The following ZNF160 variants were observed in gnomAD, a reference collection of about 807,000 sequenced individuals.
ZNF160 encodes the protein KRAB zinc finger protein KR18.
Under a neutral mutation model 13.1 loss-of-function variants are expected in ZNF160, and 9 were observed. The observed-to-expected ratio is 0.69, with a 90% CI of 0.41 to 1.20. The LOEUF is 1.20. ZNF160 is among the 50% of genes most tolerant of loss of function. The pLI is 0.01. For missense variants in ZNF160, 838 were observed against 988.0 expected (o/e 0.85, Z 2.04); for synonymous variants, 293 against 333.2 (o/e 0.88, Z 1.31).
chr19:53,079,434 C>T (rs574424985), intron 3 of ZNF160, among the ~76,000 whole-genome samples: 3 of 151,424 alleles, frequency 2.0e-5, no homozygotes, highest in African/African-American at 2.4e-5. Context: ...CCTGTAATCC[C>T]GGCTACTTGG....
intron 3 of ZNF160, among the ~76,000 whole-genome samples, chr19:53,082,114 G>C (rs773917558): frequency 1.3e-5 from 2 of 152,164 alleles, no homozygotes; most frequent in Non-Finnish European, 2.9e-5. Context: ...ACTCCAAAAA[G>C]GAAGAGGAAG....
At chr19:53,095,050 T>A (rs948830684) in intron 1 of ZNF160, among the ~76,000 whole-genome samples, 7 of 27,406 alleles carry the variant, frequency 2.6e-4, no homozygotes, top group Non-Finnish European at 3.9e-4. Flanking sequence ...ACCCCACCCC[T>A]TCCCCACTGC....
intron 3 of ZNF160, among the ~76,000 whole-genome samples, chr19:53,079,300 C>T (rs2084529779): frequency 6.6e-6 from 1 of 152,098 alleles, no homozygotes; most frequent in Non-Finnish European, 1.5e-5. Flanking sequence ...CCTGTAATCT[C>T]AGCACTTTGG....
chr19:53,090,612 A>G (rs1475537207), intron 2 of ZNF160, among the ~76,000 whole-genome samples: 2 of 152,314 alleles, frequency 1.3e-5, no homozygotes, highest in East Asian at 1.9e-4. Flanking sequence ...AGACAGGCCC[A>G]AGTCACCTCC....
chr19:53,098,185 C>T (rs1241940639), intron 1 of ZNF160, among the ~76,000 whole-genome samples: 2 of 152,200 alleles, frequency 1.3e-5, no homozygotes, highest in Admixed American at 6.5e-5. Flanking sequence ...AGACCTGAGA[C>T]TTCTTTCCAA....
chr19:53,099,734 C>T (rs1293540033), intron 1 of ZNF160, among the ~76,000 whole-genome samples: 1 of 152,192 alleles, frequency 6.6e-6, no homozygotes, highest in Admixed American at 6.5e-5. Context: ...CAGATGTACA[C>T]CCAATTCTGC....
intron 1 of ZNF160, among the ~76,000 whole-genome samples, chr19:53,094,444 T>C (rs183946597): frequency 1.3e-4 from 20 of 152,262 alleles, no homozygotes; most frequent in Non-Finnish European, 2.1e-4. Context: ...ACGGTTCTAA[T>C]TGCCAGTTCC....
In ZNF160 at chr19:53,068,098, G is replaced by A. The variant is rs774506668; in HGVS notation, c.2436C>T (p.Thr812=). ...ACACTCATTTGTAAGGTTTCTCTCC[G>A]GTATGCATTCTGTGATGACTTGCAA... is the stretch of plus-strand genomic sequence containing the variant. ...SNLASHHRMH[T]GEKPYK Residue 812 remains threonine, a synonymous_variant, in exon 6 of 6, where the codon ACC becomes ACT. Coordinates refer to ENST00000683776, the MANE Select transcript of ZNF160 (RefSeq NM_001322131.2). The A allele has an allele frequency of 1.2e-5, 19 of 1,608,954 alleles. No homozygotes were observed. The highest frequency in any genetic ancestry group is 2.2e-5 in the East Asian group (1 of 44,832).
At chr19:53,090,741 C>T (rs1287357134) in intron 2 of ZNF160, among the ~76,000 whole-genome samples, 1 of 152,116 alleles carries the variant, frequency 6.6e-6, no homozygotes, top group Non-Finnish European at 1.5e-5. Context: ...TCTGTGGAAT[C>T]CCAGGACCAG....
chr19:53,093,099 T>C (rs988440294), intron 1 of ZNF160, among the ~76,000 whole-genome samples: 1 of 152,178 alleles, frequency 6.6e-6, no homozygotes, highest in Non-Finnish European at 1.5e-5. Flanking sequence ...TGCTTATACA[T>C]TTTCATTGAA....
chr19:53,079,733 C>T (rs2084553878), intron 3 of ZNF160, among the ~76,000 whole-genome samples: 1 of 148,456 alleles, frequency 6.7e-6, no homozygotes, highest in Admixed American at 6.8e-5. Flanking sequence ...AAGAGTAAAA[C>T]AGTATGCCTG....
At chr19:53,096,099 G>C (rs2085223672) in intron 1 of ZNF160, among the ~76,000 whole-genome samples, 1 of 152,160 alleles carries the variant, frequency 6.6e-6, no homozygotes, top group Non-Finnish European at 1.5e-5. Context: ...CATGCCTGTA[G>C]TCCCAGCTAC....
chr19:53,084,871 C>G (rs1377689672), intron 3 of ZNF160: 1 of 151,856 alleles, frequency 6.6e-6, no homozygotes. Context: ...TAGAAGAGAT[C>G]ACTCTTCCAA....
chr19:53,094,888 A>G (rs1028813173), intron 1 of ZNF160, among the ~76,000 whole-genome samples: 5 of 152,098 alleles, frequency 3.3e-5, no homozygotes, highest in Non-Finnish European at 7.4e-5. Context: ...GGCCAAGAGG[A>G]GTAGAGAGCC....
At chr19:53,099,925 A>G (rs1260246054) in intron 1 of ZNF160, among the ~76,000 whole-genome samples, 1 of 152,202 alleles carries the variant, frequency 6.6e-6, no homozygotes, top group Non-Finnish European at 1.5e-5. Context: ...GCAACACTAG[A>G]CTTTCTCACG....
chr19:53,070,692 G>T (rs79482156), intron 5 of ZNF160, among the ~76,000 whole-genome samples: 10,166 of 152,214 alleles, frequency 0.067, 359 homozygotes, highest in Non-Finnish European at 0.082. Context: ...GGAATTACAG[G>T]CGTGAGTCAC....
At chr19:53,091,902 A>G (rs2056696171) in intron 1 of ZNF160, among the ~76,000 whole-genome samples, 182 bp from the exon 2 acceptor site, 1 of 152,254 alleles carries the variant, frequency 6.6e-6, no homozygotes, top group Admixed American at 6.5e-5. Context: ...GTTCCAGAGC[A>G]GGGCTAAGGC....
Position 53,067,011 on chromosome 19 carries a change from C to T in ZNF160, c.*1066G>A, listed in dbSNP as rs2083991130. On this transcript the variant is annotated 3_prime_UTR_variant, in exon 6 of 6. Coordinates refer to ENST00000683776, the MANE Select transcript of ZNF160 (RefSeq NM_001322131.2). Reference sequence around the variant, plus strand: ...GGTCAGGCTGGTCTCGAACTCCCGACCTCAGGTGATCCACCTGCCTCAGCC... The same window carrying T: ...GGTCAGGCTGGTCTCGAACTCCCGATCTCAGGTGATCCACCTGCCTCAGCC... The T allele has an allele frequency of 6.6e-6, 1 of 152,092 alleles. No individual in the cohort carries two copies. Among genetic ancestry groups the T allele is most frequent in the Non-Finnish European group, 1.5e-5 (1 of 68,038 alleles). The allele number at this position is 152,092 out of a possible 1,614,324, so 9.4% of individuals were successfully genotyped here.
intron 3 of ZNF160, among the ~76,000 whole-genome samples, chr19:53,080,322 C>A (rs1294400031): frequency 2.0e-5 from 3 of 152,130 alleles, no homozygotes; most frequent in Non-Finnish European, 4.4e-5. Context: ...TGGTCTTGAA[C>A]TCCCGACCTC....
Sources: allele counts gnomAD v4.1 joint callset (sites outside exome capture counted in the v4.1 genomes callset), GRCh38; gene constraint gnomAD v4.1.1; transcripts MANE v1.5; gene names NCBI Gene and HGNC (gene_info 2026-07-23, HGNC 2026-07-21).